The following IFFO2 variants were observed in gnomAD, a reference collection of about 807,000 sequenced individuals.
The protein encoded by IFFO2 is intermediate filament family orphan 2.
Under a neutral mutation model 53.5 loss-of-function variants are expected in IFFO2, and 19 were observed. The ratio of observed to expected loss-of-function variants is 0.36; its 90% confidence interval spans 0.25 to 0.52. IFFO2 has a LOEUF of 0.52. Ranked by LOEUF, IFFO2 falls within the 20% of genes least tolerant of loss-of-function variation. The pLI, the probability that IFFO2 is intolerant of heterozygous loss-of-function variation, is 0.94. For missense variants in IFFO2, 570 were observed against 727.4 expected (o/e 0.78, Z 2.49); for synonymous variants, 303 against 313.6 (o/e 0.97, Z 0.36).
chr1:18,921,986 G>A (rs2148169416), intron 1 of IFFO2, among the ~76,000 whole-genome samples: 1 of 152,214 alleles, frequency 6.6e-6, no homozygotes, highest in East Asian at 1.9e-4. Context: ...GACTTACTTT[G>A]TACCAGGCAC....
At position 18,919,305 on chromosome 1, in the gene IFFO2, AGAC is replaced by A. The variant is rs1157162013; in HGVS notation, c.822+370_822+372del. ...CGAGTCTCTCAGGCCCGCACAGACC[AGAC>A]GGCACCTGGCCCAACCTGCCAGACG... On this transcript the variant is annotated intron_variant, in intron 3 of 8. Coordinates refer to ENST00000455833, the MANE Select transcript of IFFO2 (RefSeq NM_001136265.2). This position sits in a 1 kb window ranked among gnomAD's most constrained non-coding sequence, Gnocchi z 4.9. Among the ~76,000 whole-genome samples the A allele has an allele frequency of 6.6e-6, 1 of 152,176 alleles. No homozygotes were observed. Among genetic ancestry groups the A allele is most frequent in the East Asian group, 1.9e-4 (1 of 5,192 alleles).
intron 1 of IFFO2, among the ~76,000 whole-genome samples, chr1:18,948,884 G>A (rs1024390347): frequency 6.6e-6 from 1 of 152,222 alleles, no homozygotes; most frequent in Admixed American, 6.5e-5. Flanking sequence ...GCCCTGTGCT[G>A]TAGCTAGGCG....
At chr1:18,912,118 G>T in intron 5 of IFFO2, 35 bp from the exon 6 acceptor site, 2 of 1,551,002 alleles carry the variant, frequency 1.3e-6, no homozygotes, top group Non-Finnish European at 1.7e-6. Flanking sequence ...TGACTGAACA[G>T]AAGGCAGGCT....
At chr1:18,915,864 C>A (rs1188872364) in intron 5 of IFFO2, among the ~76,000 whole-genome samples, 3 of 152,172 alleles carry the variant, frequency 2.0e-5, no homozygotes, top group Non-Finnish European at 4.4e-5. Context: ...GTAGCTCATG[C>A]CAGTAATCCC....
At chr1:18,925,783 T>C (rs935335285) in intron 1 of IFFO2, among the ~76,000 whole-genome samples, 13 of 138,462 alleles carry the variant, frequency 9.4e-5, no homozygotes, top group African/African-American at 3.5e-4. Flanking sequence ...GATGGATGGA[T>C]TGGTTGGATG....
At chr1:18,915,186 T>C (rs1936113549) in intron 5 of IFFO2, among the ~76,000 whole-genome samples, 1 of 151,996 alleles carries the variant, frequency 6.6e-6, no homozygotes, top group Admixed American at 6.5e-5. Context: ...ATTCTCTCAT[T>C]TGTACAATGA....
intron 1 of IFFO2, among the ~76,000 whole-genome samples, chr1:18,937,636 ATTG>A (rs1434566485): frequency 6.6e-6 from 1 of 152,196 alleles, no homozygotes; most frequent in African/African-American, 2.4e-5. Flanking sequence ...GGGCATCTTT[ATTG>A]GAGCTTGTCA....
At position 18,910,187 on chromosome 1, in the gene IFFO2, C is replaced by CTGGATGGATGGATGGA. The variant is rs60534604; in HGVS notation, c.1448+139_1448+154dup. On this transcript the variant is annotated intron_variant, in intron 8 of 8. Transcript: ENST00000455833. ...TGGCACATAGGTGTGCTAATAGTCA[C>CTGGATGGATGGATGGA]TGGATGGATGGATGGATGGATGGAT... Among the ~76,000 whole-genome samples the CTGGATGGATGGATGGA allele has an allele frequency of 9.1e-3, 1,387 of 151,776 alleles. 23 individuals carry two copies. The highest frequency in any genetic ancestry group is 0.06 in the East Asian group (310 of 5,132).
intron 1 of IFFO2, 130 bp downstream of exon 1, chr1:18,955,538 T>C (rs74957812): frequency 0.39 from 526,847 of 1,347,316 alleles, 109,186 homozygotes; most frequent in South Asian, 0.5. Flanking sequence ...TAAGACGCTC[T>C]GCAAACACAG....
rs1936160616 is a variant in IFFO2, at chr1:18,918,015, G to A, written c.963+347C>T. On this transcript the variant is annotated intron_variant, in intron 4 of 8. Coordinates refer to ENST00000455833, the MANE Select transcript of IFFO2 (RefSeq NM_001136265.2). The surrounding 1 kb of genome is among the most constrained non-coding windows in gnomAD (Gnocchi z 5.2). ...ATGATGCCCAGTTCTGGCACCCAGA[G>A]GAAGGGGCAGGAAGCGGGACAATGG... Among the ~76,000 whole-genome samples the A allele has an allele frequency of 6.6e-6, 1 of 152,364 alleles. No individual in the cohort carries two copies. The highest frequency in any genetic ancestry group is 2.1e-4 in the South Asian group (1 of 4,830).
At position 18,918,294 on chromosome 1, in the gene IFFO2, AG is replaced by A; in HGVS notation, c.963+67del. 1 of 1,487,840 alleles carries A rather than the reference AG, an allele frequency of 6.7e-7. No homozygotes were observed. The highest frequency in any genetic ancestry group is 1.9e-4 in the Middle Eastern group (1 of 5,326). The allele number at this position is 1,487,840 out of a possible 1,614,324, so 92.2% of individuals were successfully genotyped here. ...GTGGAGGCAAACGGGTTGGCCGGGC[AG>A]GGGTGGAGGCCAGGGCTGCTCTGGG... On this transcript the variant is annotated intron_variant, in intron 4 of 8. Coordinates refer to ENST00000455833, the MANE Select transcript of IFFO2 (RefSeq NM_001136265.2). The surrounding 1 kb of genome is among the most constrained non-coding windows in gnomAD (Gnocchi z 5.2).
intron 1 of IFFO2, 22 bp from the exon 2 acceptor site, chr1:18,921,143 G>A (rs1303385057): frequency 1.9e-6 from 3 of 1,551,030 alleles, no homozygotes; most frequent in Non-Finnish European, 2.6e-6. Context: ...AAGAGGAACA[G>A]GTGGTCAGAA....
At chr1:18,930,068 G>A (rs1936354700) in intron 1 of IFFO2, among the ~76,000 whole-genome samples, 1 of 152,216 alleles carries the variant, frequency 6.6e-6, no homozygotes, top group African/African-American at 2.4e-5. Context: ...AGGGTCCTGG[G>A]ATCAAATCCC....
intron 1 of IFFO2, among the ~76,000 whole-genome samples, chr1:18,932,663 T>C (rs1202775675): frequency 6.6e-6 from 1 of 152,214 alleles, no homozygotes; most frequent in African/African-American, 2.4e-5. Context: ...GAAGCTATGA[T>C]TAGTCATGGA....
intron 1 of IFFO2, among the ~76,000 whole-genome samples, chr1:18,930,057 G>C (rs1936354603): frequency 6.6e-6 from 1 of 152,244 alleles, no homozygotes; most frequent in Admixed American, 6.5e-5. Context: ...TCTGGAGCCA[G>C]AGGGTCCTGG....
chr1:18,922,421 A>C (rs541638585), intron 1 of IFFO2, among the ~76,000 whole-genome samples: 4 of 152,168 alleles, frequency 2.6e-5, no homozygotes, highest in African/African-American at 7.2e-5. Flanking sequence ...CCAGCTAAAA[A>C]TAGGCCAGAG....
chr1:18,930,254 C>T (rs771587460), intron 1 of IFFO2, among the ~76,000 whole-genome samples: 1 of 152,190 alleles, frequency 6.6e-6, no homozygotes, highest in Non-Finnish European at 1.5e-5. Context: ...CTCATCCTCA[C>T]GACCTCCCAA....
In IFFO2 at chr1:18,917,143, C is replaced by T. The variant is rs1289852425; in HGVS notation, c.964-101G>A. The T allele has an allele frequency of 5.2e-6, 7 of 1,350,208 alleles. No individual in the cohort carries two copies. Among genetic ancestry groups the T allele is most frequent in the South Asian group, 2.7e-5 (2 of 72,814 alleles). The allele number at this position is 1,350,208 out of a possible 1,614,324, so 83.6% of individuals were successfully genotyped here. ...AGCCGGCATCTCACAGGATGATGAG[C>T]GTGACTGGGGCCGGCCAGTGCCAGG... is the stretch of plus-strand genomic sequence containing the variant. On this transcript the variant is annotated intron_variant, in intron 4 of 8. Transcript: ENST00000455833. The surrounding 1 kb of genome is among the most constrained non-coding windows in gnomAD (Gnocchi z 5.9).
rs1012334897 is a variant in IFFO2 at position 18,953,026 on chromosome 1, G to C, written c.665+2642C>G. Among the ~76,000 whole-genome samples, 10 of 152,338 alleles carry C rather than the reference G, an allele frequency of 6.6e-5. No homozygotes were observed. In the East Asian group the frequency reaches 1.9e-3, roughly 29 times the overall value. ...GAAGCAAGTGGGGGTCTCTGGAGCTGCAGCTTCCTCCAGGTGGACCAGGGG... is the reference window on the plus strand; with the variant it reads ...GAAGCAAGTGGGGGTCTCTGGAGCTCCAGCTTCCTCCAGGTGGACCAGGGG... On this transcript the variant is annotated intron_variant, in intron 1 of 8. Transcript: ENST00000455833.
Sources: gnomAD v4.1 joint callset for allele counts (sites outside exome capture counted in the v4.1 genomes callset) on GRCh38, gnomAD v4.1.1 for gene constraint, Gnocchi (gnomAD v3.1) non-coding constraint, MANE v1.5 for transcripts, NCBI Gene and HGNC (gene_info 2026-07-23, HGNC 2026-07-21) for gene names.